Variants in INO80 observed in about 807,000 individuals in gnomAD.
INO80 encodes INO80 complex ATPase subunit, also known as chromatin-remodeling ATPase INO80.
In INO80, 20 loss-of-function variants were observed where a neutral mutation model predicts 203.4. The observed-to-expected ratio is 0.10, with a 90% CI of 0.07 to 0.14. INO80 has a LOEUF of 0.14. Ranked by LOEUF, INO80 falls within the 10% of genes least tolerant of loss-of-function variation. The pLI, the probability that INO80 is intolerant of heterozygous loss-of-function variation, is 1.00. For synonymous variants in INO80, 726 were observed against 685.2 expected, an observed-to-expected ratio of 1.06 and a Z score of -0.93; for missense variants, 1,419 against 1,914.4, an observed-to-expected ratio of 0.74 and a Z score of 4.83.
At chr15:41,048,315 A>T in intron 21 of INO80, 39 bp from the exon 22 acceptor site, 1 of 1,492,956 alleles carries the variant, frequency 6.7e-7, no homozygotes, top group Non-Finnish European at 9.3e-7. Context: ...AAACCCAAAC[A>T]TAAATAATGG....
At chr15:41,056,821 G>C (rs1234130512) in intron 16 of INO80, 115 bp from the exon 17 acceptor site, 1 of 767,582 alleles carries the variant, frequency 1.3e-6, no homozygotes, top group East Asian at 2.5e-5. Flanking sequence ...TCAGAATCAA[G>C]TACTCCATCA....
rs1258747898 is a variant in INO80, at chr15:41,095,945, G to T, written c.144-17C>A. On this transcript the variant is annotated splice_polypyrimidine_tract_variant and intron_variant, in intron 2 of 35. Coordinates refer to ENST00000648947, the MANE Select transcript of INO80 (RefSeq NM_017553.3). ...CTGTCATCACTATAAATTGAAGAAT[G>T]AGTCCACAATTACAGCTGACCCAAT... is the stretch of plus-strand genomic sequence containing the variant. The T allele has an allele frequency of 3.1e-6, 5 of 1,609,114 alleles. No homozygotes were observed. In the African/African-American group the frequency reaches 6.7e-5, roughly 22 times the overall value.
At chr15:41,013,578 T>C (rs551388572) in intron 27 of INO80, among the ~76,000 whole-genome samples, 6 of 152,350 alleles carry the variant, frequency 3.9e-5, no homozygotes, top group South Asian at 4.1e-4. Flanking sequence ...ACTTTGGGCA[T>C]TGTAATTCCA....
intron 7 of INO80, among the ~76,000 whole-genome samples, 177 bp downstream of exon 7, chr15:41,085,192 C>G (rs879798351): frequency 6.6e-6 from 1 of 152,222 alleles, no homozygotes; most frequent in Non-Finnish European, 1.5e-5. Flanking sequence ...ATTCTGACCA[C>G]ATTCTAGAAG....
rs534976231 is a variant in INO80, at chr15:41,028,939, A to G, written c.2908-1203T>C. Among the ~76,000 whole-genome samples, 12 of 152,354 alleles carry G rather than the reference A, an allele frequency of 7.9e-5. 1 individual carries two copies. Among genetic ancestry groups the G allele is most frequent in the African/African-American group, 2.6e-4 (11 of 41,586 alleles). ...AGTCATATGAAAGATTTTAAGTATGAAATGTTCACATACAAATCACTCCTC... is the reference window on the plus strand; with the variant it reads ...AGTCATATGAAAGATTTTAAGTATGGAATGTTCACATACAAATCACTCCTC... On this transcript the variant is annotated intron_variant, in intron 24 of 35. Transcript: ENST00000648947.
At position 41,081,014 on chromosome 15, in the gene INO80, T is replaced by C. The variant is rs1171214064; in HGVS notation, c.927+6A>G. ...TGAAATGGAAAATACAAAACTACAA[T>C]TTTACCTTTCGGCTATTGGTGAGAA... is the stretch of plus-strand genomic sequence containing the variant. On this transcript the variant is annotated splice_donor_region_variant and intron_variant, in intron 8 of 35. Transcript: ENST00000648947. 6.3e-7 allele frequency: 1 copy of C among 1,580,960 alleles called. No homozygotes were observed. The highest frequency in any genetic ancestry group is 1.3e-5 in the African/African-American group (1 of 74,182).
At chr15:41,019,822 T>C (rs1160307254) in intron 26 of INO80, among the ~76,000 whole-genome samples, 2 of 152,134 alleles carry the variant, frequency 1.3e-5, no homozygotes, top group Non-Finnish European at 2.9e-5. Context: ...TAAAATAAAG[T>C]GGAAAAACCA....
At chr15:41,081,759 C>T (rs1458341015) in intron 7 of INO80, among the ~76,000 whole-genome samples, 1 of 152,076 alleles carries the variant, frequency 6.6e-6, no homozygotes, top group Non-Finnish European at 1.5e-5. Flanking sequence ...TCTTTCAGTA[C>T]TGAAGAGTAC....
intron 11 of INO80, among the ~76,000 whole-genome samples, chr15:41,072,308 C>A: frequency 6.6e-6 from 1 of 151,940 alleles, no homozygotes; most frequent in East Asian, 1.9e-4. Context: ...TTGACTTACA[C>A]TCTGTCAATG....
At chr15:41,003,578 C>T (rs959864015) in intron 28 of INO80, among the ~76,000 whole-genome samples, 4 of 151,996 alleles carry the variant, frequency 2.6e-5, no homozygotes, top group Non-Finnish European at 5.9e-5. Context: ...GACCCGCCCA[C>T]CTCGGCCTCC....
chr15:40,983,105 AAG>A, intron 34 of INO80, 28 bp from the exon 35 acceptor site: 1 of 1,565,358 alleles, frequency 6.4e-7, no homozygotes, highest in East Asian at 2.2e-5. Context: ...CCAAAAGGGA[AAG>A]AAAAAAAAAA....
intron 23 of INO80, among the ~76,000 whole-genome samples, chr15:41,045,979 G>T (rs1490713393): frequency 6.6e-6 from 1 of 151,472 alleles, no homozygotes; most frequent in Non-Finnish European, 1.5e-5. Context: ...AAATCAGTGA[G>T]AACCATTATA....
rs2045716338 is a variant in INO80, at chr15:41,095,908, A to G, written c.164T>C (p.Leu55Pro). The change falls in exon 3 of 36, where the codon CTG (leucine) becomes CCG (proline). Residue 55 changes from leucine to proline, a missense_variant. By Grantham distance (98) the Leu-to-Pro change is moderately conservative (BLOSUM62 -3). This residue lies in a region of INO80 where 323 missense variants were observed against 325.4 expected (regional missense o/e 0.99). Coordinates refer to ENST00000648947, the MANE Select transcript of INO80 (RefSeq NM_017553.3). ...GGGCAATAATGGATTACTGTCATCC[A>G]GTCCATCTTCACTGTCATCACTATA... ...NISSDDSEDGLDDSNPLLPQS... is the reference protein window; with the variant it reads ...NISSDDSEDGPDDSNPLLPQS... 5 of 1,613,974 alleles carry G rather than the reference A, an allele frequency of 3.1e-6. No individual in the cohort carries two copies. Among genetic ancestry groups the G allele is most frequent in the Non-Finnish European group, 4.2e-6 (5 of 1,179,866 alleles).
chr15:41,116,273 G>A lies in INO80; in HGVS notation c.-344C>T. ...GGGAGCCATGGCGGGGGGGAGGAGA[G>A]GCGCCATAGCCAGGCCAGAACAATC... On this transcript the variant is annotated 5_prime_UTR_variant, in exon 1 of 36. Transcript: ENST00000648947. 1 of 398,686 alleles carries A rather than the reference G, an allele frequency of 2.5e-6. No individual in the cohort carries two copies. The highest frequency in any genetic ancestry group is 3.6e-5 in the East Asian group (1 of 28,044). 24.7% of individuals were successfully genotyped at this position (398,686 alleles called of 1,614,324 possible). A position where few individuals can be genotyped will look rare whatever the true frequency, so the allele number is the denominator to read the frequency against.
chr15:41,044,098 T>A (rs1310986483), intron 24 of INO80, among the ~76,000 whole-genome samples: 1 of 152,140 alleles, frequency 6.6e-6, no homozygotes, highest in African/African-American at 2.4e-5. Context: ...ATACCGTAGG[T>A]GCAAATGTAA....
chr15:41,075,824 T>C (rs951838131), intron 9 of INO80, among the ~76,000 whole-genome samples: 5 of 151,904 alleles, frequency 3.3e-5, no homozygotes, highest in South Asian at 2.1e-4. Flanking sequence ...ACTCCTGACC[T>C]CATGTGATCG....
intron 14 of INO80, 195 bp downstream of exon 14, chr15:41,069,375 T>C (rs1354333815): frequency 2.3e-6 from 1 of 432,504 alleles, no homozygotes; most frequent in African/African-American, 2.1e-5. Context: ...TTTCACCATG[T>C]TAGCCAGGAT....
chr15:41,065,850 G>A (rs1246215688), intron 14 of INO80, among the ~76,000 whole-genome samples: 1 of 152,136 alleles, frequency 6.6e-6, no homozygotes. Context: ...GGTTGCCAGA[G>A]GCTACAGCAC....
intron 1 of INO80, among the ~76,000 whole-genome samples, chr15:41,102,276 GTTACT>G (rs2045821246): frequency 6.6e-6 from 1 of 152,154 alleles, no homozygotes; most frequent in Non-Finnish European, 1.5e-5. Context: ...TACTGTGTAA[GTTACT>G]TTATTTATGT....
Sources: gnomAD v4.1 joint callset for allele counts (sites outside exome capture counted in the v4.1 genomes callset) on GRCh38, gnomAD v4.1.1 for gene constraint, gnomAD v4.1.1 regional missense constraint, MANE v1.5 for transcripts, NCBI Gene and HGNC (gene_info 2026-07-23, HGNC 2026-07-21) for gene names.